GPC5: variants seen among roughly 807,000 people sequenced by gnomAD.
The protein encoded by GPC5 is glypican 5, also known as glypican-5.
Under a neutral mutation model 53.9 loss-of-function variants are expected in GPC5, and 47 were observed. That is an observed-to-expected ratio of 0.87 (90% CI 0.69 to 1.11). The LOEUF is 1.11. Ranked by LOEUF, GPC5 falls within the 50% of genes most tolerant of loss-of-function variation. The pLI is 0.00. For missense variants in GPC5, 748 were observed against 713.1 expected, an observed-to-expected ratio of 1.05 and a Z score of -0.56; for synonymous variants, 286 against 263.3, an observed-to-expected ratio of 1.09 and a Z score of -0.84.
intron 6 of GPC5, among the ~76,000 whole-genome samples, chr13:92,135,269 T>C (rs1267102514): frequency 1.3e-5 from 2 of 152,162 alleles, no homozygotes; most frequent in African/African-American, 4.8e-5. Context: ...TGTTTTCATA[T>C]AGATGTTTCA....
intron 6 of GPC5, among the ~76,000 whole-genome samples, chr13:91,924,679 T>C (rs1399294939): frequency 1.3e-5 from 2 of 152,102 alleles, no homozygotes; most frequent in African/African-American, 4.8e-5. Flanking sequence ...AGGTTGAGGT[T>C]GTGGTGAGCC....
intron 7 of GPC5, among the ~76,000 whole-genome samples, chr13:92,210,515 T>A (rs1408054617): frequency 6.6e-6 from 1 of 152,182 alleles, no homozygotes; most frequent in African/African-American, 2.4e-5. Flanking sequence ...TATCTACAGC[T>A]ATCTGTTATC....
At chr13:92,473,240 G>A (rs896870461) in intron 7 of GPC5, among the ~76,000 whole-genome samples, 1 of 152,076 alleles carries the variant, frequency 6.6e-6, no homozygotes, top group African/African-American at 2.4e-5. Context: ...ATGCCCAGTA[G>A]AGATGATACA....
chr13:92,675,309 G>A lies in GPC5; in HGVS notation c.1562-190973G>A, dbSNP rs117473444. Among the ~76,000 whole-genome samples the A allele has an allele frequency of 6.5e-4, 99 of 152,182 alleles. 1 individual carries two copies. In the East Asian group the frequency reaches 0.013, roughly 21 times the overall value. The stretch of plus-strand genomic sequence containing the variant: ...CAATTCAAAATTAATTCATTAGAAA[G>A]CAATTTTCCTCAACACTTAATCCCT... On this transcript the variant is annotated intron_variant, in intron 7 of 7. Transcript: ENST00000377067.
At chr13:91,664,201 G>A (rs1412996736) in intron 2 of GPC5, among the ~76,000 whole-genome samples, 1 of 152,174 alleles carries the variant, frequency 6.6e-6, no homozygotes, top group African/African-American at 2.4e-5. Context: ...ATAACATATG[G>A]TGACATTTGC....
chr13:92,292,423 T>C (rs1051111785), intron 7 of GPC5, among the ~76,000 whole-genome samples: 1 of 152,238 alleles, frequency 6.6e-6, no homozygotes, highest in Non-Finnish European at 1.5e-5. Flanking sequence ...ATTTCCCTGA[T>C]CATTAGTAAT....
chr13:91,985,473 T>C (rs1404052455), intron 6 of GPC5, among the ~76,000 whole-genome samples: 1 of 152,050 alleles, frequency 6.6e-6, no homozygotes, highest in Non-Finnish European at 1.5e-5. Flanking sequence ...TCTATCATCT[T>C]TCTATTTGTT....
intron 7 of GPC5, among the ~76,000 whole-genome samples, chr13:92,428,847 A>G (rs1158669999): frequency 2.6e-5 from 4 of 152,110 alleles, no homozygotes; most frequent in Admixed American, 2.6e-4. Flanking sequence ...AAACAAAAAT[A>G]TATATAGCTG....
At chr13:91,498,796 C>A (rs529322098) in intron 2 of GPC5, among the ~76,000 whole-genome samples, 128 of 151,724 alleles carry the variant, frequency 8.4e-4, no homozygotes, top group Non-Finnish European at 1.5e-3. Flanking sequence ...ATGGTGAAAC[C>A]CCGTCTCTAC....
At chr13:92,114,311 G>A (rs950879242) in intron 6 of GPC5, among the ~76,000 whole-genome samples, 7 of 151,766 alleles carry the variant, frequency 4.6e-5, no homozygotes, top group Non-Finnish European at 8.8e-5. Context: ...ACACACACAG[G>A]CACACACACA....
chr13:91,801,138 C>G (rs1489612835), intron 5 of GPC5, among the ~76,000 whole-genome samples: 1 of 151,988 alleles, frequency 6.6e-6, no homozygotes, highest in Non-Finnish European at 1.5e-5. Context: ...TAACAAATAT[C>G]AAAGCCATTA....
chr13:92,281,835 A>T (rs1201947986), intron 7 of GPC5, among the ~76,000 whole-genome samples: 1 of 152,198 alleles, frequency 6.6e-6, no homozygotes, highest in Non-Finnish European at 1.5e-5. Context: ...TAAAAATCAG[A>T]CCACCTCTTC....
intron 2 of GPC5, among the ~76,000 whole-genome samples, chr13:91,465,460 GT>G (rs1010304105): frequency 4.0e-5 from 6 of 151,040 alleles, no homozygotes; most frequent in Admixed American, 6.6e-5. Context: ...AAGTACTACA[GT>G]TTTTTTTTCA....
chr13:92,760,823 T>G (rs987002339), intron 7 of GPC5, among the ~76,000 whole-genome samples: 3 of 152,168 alleles, frequency 2.0e-5, no homozygotes, highest in African/African-American at 7.2e-5. Flanking sequence ...TTTTGCTGTA[T>G]CCCATAGGTT....
At chr13:92,279,467 GTTAT>G (rs1471797695) in intron 7 of GPC5, among the ~76,000 whole-genome samples, 1 of 151,934 alleles carries the variant, frequency 6.6e-6, no homozygotes, top group Non-Finnish European at 1.5e-5. Context: ...TAATATGTCT[GTTAT>G]TTCTTTTTCT....
chr13:92,212,735 C>T (rs2139076461), intron 7 of GPC5, among the ~76,000 whole-genome samples: 1 of 152,310 alleles, frequency 6.6e-6, no homozygotes, highest in Admixed American at 6.5e-5. Flanking sequence ...CACTAATGTC[C>T]TCTGGGCACA....
intron 7 of GPC5, among the ~76,000 whole-genome samples, chr13:92,728,301 C>T (rs1888700957): frequency 6.6e-6 from 1 of 151,318 alleles, no homozygotes; most frequent in Non-Finnish European, 1.5e-5. Context: ...CCTTAATGTG[C>T]TTATATCTTG....
chr13:92,774,512 CT>C (rs1875728673), intron 7 of GPC5, among the ~76,000 whole-genome samples: 1 of 152,192 alleles, frequency 6.6e-6, no homozygotes, highest in South Asian at 2.1e-4. Context: ...TCCCTGCCCA[CT>C]TGCCTATGAA....
At chr13:92,069,223 T>C (rs2041190722) in intron 6 of GPC5, among the ~76,000 whole-genome samples, 1 of 152,138 alleles carries the variant, frequency 6.6e-6, no homozygotes, top group Non-Finnish European at 1.5e-5. Flanking sequence ...TAAATTTATA[T>C]GTCTATCTCT....
Sources: gnomAD v4.1 joint callset for allele counts (sites outside exome capture counted in the v4.1 genomes callset) on GRCh38, gnomAD v4.1.1 for gene constraint, MANE v1.5 for transcripts, NCBI Gene and HGNC (gene_info 2026-07-23, HGNC 2026-07-21) for gene names.